Variants in PCMT1 observed in about 807,000 individuals in gnomAD.
The protein encoded by PCMT1 is protein-L-isoaspartate(D-aspartate) O-methyltransferase.
A neutral mutation model predicts 29.2 loss-of-function variants in PCMT1; 9 were observed. The observed-to-expected ratio is 0.31, with a 90% CI of 0.19 to 0.54. PCMT1 has a LOEUF of 0.54. Among genes scored for constraint, PCMT1 ranks in the 20% least tolerant of loss-of-function variants. PCMT1 has a pLI of 0.95. For missense variants in PCMT1, 184 were observed against 282.2 expected (o/e 0.65, Z 2.49); for synonymous variants, 98 against 97.5 (o/e 1.00, Z -0.03).
chr6:149,759,166 C>T (rs767566277), intron 1 of PCMT1, among the ~76,000 whole-genome samples: 11 of 152,148 alleles, frequency 7.2e-5, no homozygotes, highest in South Asian at 6.2e-4. Flanking sequence ...TGAGCCACCG[C>T]GCCCGGCCAT....
At chr6:149,803,747 T>C (rs1775924727) in intron 7 of PCMT1, among the ~76,000 whole-genome samples, 1 of 151,458 alleles carries the variant, frequency 6.6e-6, no homozygotes. Flanking sequence ...TTGTTTTTAT[T>C]CTTCACCAAT....
chr6:149,789,542 G>A (rs1338542895), intron 3 of PCMT1, among the ~76,000 whole-genome samples: 1 of 152,068 alleles, frequency 6.6e-6, no homozygotes, highest in African/African-American at 2.4e-5. Flanking sequence ...TACAAAATTA[G>A]CCTTTGTATT....
chr6:149,768,585 G>A (rs1024314303), intron 1 of PCMT1, among the ~76,000 whole-genome samples: 2 of 150,852 alleles, frequency 1.3e-5, no homozygotes, highest in Non-Finnish European at 3.0e-5. Flanking sequence ...TGAGTAGCTG[G>A]GATCACAGAC....
intron 5 of PCMT1, chr6:149,795,522 T>G: frequency 8.9e-6 from 4 of 449,528 alleles, no homozygotes; most frequent in South Asian, 6.1e-5. Context: ...CCAAATACAG[T>G]GTTGGGCAGG....
intron 1 of PCMT1, among the ~76,000 whole-genome samples, chr6:149,761,422 G>C (rs78341028): frequency 1.6e-4 from 24 of 152,208 alleles, no homozygotes; most frequent in African/African-American, 5.5e-4. Flanking sequence ...GCCATTCCCA[G>C]ACTCATTGCT....
chr6:149,751,125 A>T (rs1237451703), intron 1 of PCMT1, among the ~76,000 whole-genome samples: 6 of 152,104 alleles, frequency 3.9e-5, no homozygotes, highest in African/African-American at 1.4e-4. Context: ...GAGACCAGCC[A>T]GGCCGACATG....
chr6:149,805,712 C>T (rs958683364), intron 7 of PCMT1, among the ~76,000 whole-genome samples: 214 of 151,714 alleles, frequency 1.4e-3, no homozygotes, highest in African/African-American at 5.0e-3. Context: ...CTGAGGCGGG[C>T]GGATCACGAG....
intron 7 of PCMT1, among the ~76,000 whole-genome samples, chr6:149,805,802 G>A (rs946251222): frequency 7.9e-5 from 12 of 151,516 alleles, no homozygotes; most frequent in East Asian, 5.8e-4. Flanking sequence ...TTAGCTGGGC[G>A]TGGTGGCAGG....
At chr6:149,757,834 A>AT (rs1262287225) in intron 1 of PCMT1, among the ~76,000 whole-genome samples, 2 of 151,932 alleles carry the variant, frequency 1.3e-5, no homozygotes, top group East Asian at 3.9e-4. Flanking sequence ...AGATTCTGTG[A>AT]TTTTTTTCCC....
chr6:149,802,562 A>G (rs959508714), intron 7 of PCMT1, 146 bp downstream of exon 7: 15 of 1,185,352 alleles, frequency 1.3e-5, no homozygotes, highest in Non-Finnish European at 1.6e-5. Context: ...GGTTTAACAT[A>G]TATATCTTTG....
chr6:149,792,036 C>T (rs113298175), intron 4 of PCMT1, among the ~76,000 whole-genome samples: 7,932 of 152,080 alleles, frequency 0.052, 553 homozygotes, highest in African/African-American at 0.15. Context: ...AATGATAGGC[C>T]GGGTGTGGTG....
intron 3 of PCMT1, among the ~76,000 whole-genome samples, chr6:149,789,441 C>T (rs1665730239): frequency 6.6e-6 from 1 of 151,974 alleles, no homozygotes; most frequent in South Asian, 2.1e-4. Context: ...GTCATCCCAG[C>T]ACTTTGGGAG....
chr6:149,756,512 CTTTTTT>C lies in PCMT1; in HGVS notation c.55+6583_55+6588del, dbSNP rs61038108. 1.9e-4 allele frequency among the ~76,000 whole-genome samples: 14 copies of C among 74,722 alleles called. 1 individual carries two copies. The highest frequency in any genetic ancestry group is 5.9e-4 in the African/African-American group (11 of 18,634). 49.0% of individuals were successfully genotyped at this position (74,722 alleles called of 152,430 possible). ...TACAGATGCACACCACCATGACTGG[CTTTTTT>C]TTTTTTTTTTTTTTTTTTTTTTTTT... On this transcript the variant is annotated intron_variant, in intron 1 of 7. Coordinates refer to ENST00000464889, the MANE Select transcript of PCMT1 (RefSeq NM_001360452.2).
At chr6:149,777,251 G>C (rs1052182654) in intron 3 of PCMT1, among the ~76,000 whole-genome samples, 4 of 152,146 alleles carry the variant, frequency 2.6e-5, no homozygotes, top group African/African-American at 7.2e-5. Flanking sequence ...CTAACACAAA[G>C]TCTGTTTTAT....
intron 5 of PCMT1, among the ~76,000 whole-genome samples, chr6:149,794,026 C>A (rs1411804740): frequency 6.6e-6 from 1 of 152,142 alleles, no homozygotes; most frequent in African/African-American, 2.4e-5. Context: ...CTTCTCCCAT[C>A]TGAGGTGTGC....
At chr6:149,773,090 T>C (rs777289857) in intron 2 of PCMT1, 48 bp from the exon 3 acceptor site, 25 of 1,431,604 alleles carry the variant, frequency 1.7e-5, no homozygotes, top group Non-Finnish European at 2.3e-5. Context: ...TGTGAAATAG[T>C]ATATTTTTAC....
At chr6:149,781,059 G>A (rs914456741) in intron 3 of PCMT1, among the ~76,000 whole-genome samples, 1 of 151,960 alleles carries the variant, frequency 6.6e-6, no homozygotes, top group Non-Finnish European at 1.5e-5. Flanking sequence ...TGACTATGAA[G>A]TGGTGTCTCA....
At chr6:149,781,561 G>A (rs1255811457) in intron 3 of PCMT1, among the ~76,000 whole-genome samples, 4 of 151,766 alleles carry the variant, frequency 2.6e-5, no homozygotes, top group Non-Finnish European at 4.4e-5. Flanking sequence ...TTGCTATGTC[G>A]CCCAGGCTGG....
rs1343752042 is a variant in PCMT1 at position 149,749,852 on chromosome 6, C to G, written c.-50C>G. 6.3e-7 allele frequency: 1 copy of G among 1,586,380 alleles called. No individual in the cohort carries two copies. The highest frequency in any genetic ancestry group is 8.6e-7 in the Non-Finnish European group (1 of 1,166,420). On this transcript the variant is annotated 5_prime_UTR_variant, in exon 1 of 8. Coordinates refer to ENST00000464889, the MANE Select transcript of PCMT1 (RefSeq NM_001360452.2). ...TCACTCTTGGGAAAACTGCTGGGCA[C>G]CGTCGTCGCGCTGAAGGTGGTTCTG...
Sources: gnomAD v4.1 joint callset for allele counts (sites outside exome capture counted in the v4.1 genomes callset) on GRCh38, gnomAD v4.1.1 for gene constraint, MANE v1.5 for transcripts, NCBI Gene and HGNC (gene_info 2026-07-23, HGNC 2026-07-21) for gene names.